BRINP3: variants seen among roughly 807,000 people sequenced by gnomAD.
BRINP3 encodes BMP/retinoic acid inducible neural specific 3.
Under a neutral mutation model 71.0 loss-of-function variants are expected in BRINP3, and 19 were observed. That is an observed-to-expected ratio of 0.27 (90% CI 0.19 to 0.39). The LOEUF (loss-of-function observed/expected upper bound fraction) is 0.39, where lower values mean the gene tolerates loss of function less well. Ranked by LOEUF, BRINP3 falls within the 10% of genes least tolerant of loss-of-function variation. BRINP3 has a pLI of 1.00. For synonymous variants in BRINP3, 380 were observed against 337.7 expected (o/e 1.13, Z -1.37); for missense variants, 959 against 940.8 (o/e 1.02, Z -0.25).
intron 6 of BRINP3, among the ~76,000 whole-genome samples, chr1:190,220,861 T>C (rs1656822814): frequency 6.6e-6 from 1 of 152,110 alleles, no homozygotes; most frequent in African/African-American, 2.4e-5. Context: ...TAAAATTAAG[T>C]ACAAGGACAA....
intron 2 of BRINP3, among the ~76,000 whole-genome samples, chr1:190,450,120 T>TGA (rs1381423651): frequency 1.3e-5 from 2 of 151,982 alleles, no homozygotes; most frequent in Admixed American, 6.6e-5. Context: ...CCAAACATGG[T>TGA]GAGAGAGAGA....
At chr1:190,425,819 T>C (rs1673666866) in intron 2 of BRINP3, among the ~76,000 whole-genome samples, 1 of 151,788 alleles carries the variant, frequency 6.6e-6, no homozygotes, top group Admixed American at 6.6e-5. Context: ...GATTTGTGCC[T>C]TTCTGAAAGG....
At chr1:190,259,934 A>G (rs1661028045) in intron 4 of BRINP3, among the ~76,000 whole-genome samples, 1 of 151,604 alleles carries the variant, frequency 6.6e-6, no homozygotes, top group Non-Finnish European at 1.5e-5. Context: ...AGGCTGAGAT[A>G]GGAGAACTGC....
At chr1:190,391,229 A>G (rs968312884) in intron 2 of BRINP3, among the ~76,000 whole-genome samples, 1 of 151,350 alleles carries the variant, frequency 6.6e-6, no homozygotes, top group African/African-American at 2.4e-5. Flanking sequence ...GAACTCTATG[A>G]CCTCCCTCTG....
intron 4 of BRINP3, among the ~76,000 whole-genome samples, chr1:190,244,228 C>A (rs1244564098): frequency 6.6e-6 from 1 of 152,058 alleles, no homozygotes; most frequent in Non-Finnish European, 1.5e-5. Flanking sequence ...CATAGACTAA[C>A]TTATAATTGT....
intron 6 of BRINP3, among the ~76,000 whole-genome samples, chr1:190,198,298 G>T (rs766830300): frequency 6.6e-6 from 1 of 152,098 alleles, no homozygotes; most frequent in Non-Finnish European, 1.5e-5. Context: ...TTTCCTCATT[G>T]TCTTGGCAAT....
At chr1:190,461,734 A>G (rs762634083) in intron 1 of BRINP3, among the ~76,000 whole-genome samples, 8 of 152,184 alleles carry the variant, frequency 5.3e-5, no homozygotes, top group Non-Finnish European at 8.8e-5. Context: ...TTTATTCTTC[A>G]TGGAAATAGA....
intron 6 of BRINP3, among the ~76,000 whole-genome samples, chr1:190,207,456 T>C (rs1322008924): frequency 1.3e-5 from 2 of 152,080 alleles, no homozygotes; most frequent in Non-Finnish European, 2.9e-5. Flanking sequence ...ATTCCTTAAA[T>C]GAAGTACTGA....
Position 190,454,935 on chromosome 1 carries a change from C to G in BRINP3, c.-45G>C. ...AGCCTTCATTCTCTCAGCTTTCCCTCAACACCTAGACAAAATACACAGGCA... is the reference window on the plus strand; with the variant it reads ...AGCCTTCATTCTCTCAGCTTTCCCTGAACACCTAGACAAAATACACAGGCA... On this transcript the variant is annotated 5_prime_UTR_variant, in exon 2 of 8. Transcript: ENST00000367462. The G allele has an allele frequency of 6.7e-7, 1 of 1,502,210 alleles. No homozygotes were observed. Among genetic ancestry groups the G allele is most frequent in the Non-Finnish European group, 9.2e-7 (1 of 1,084,696 alleles). The allele number at this position is 1,502,210 out of a possible 1,614,324, so 93.1% of individuals were successfully genotyped here. A position where few individuals can be genotyped will look rare whatever the true frequency, so the allele number is the denominator to read the frequency against.
intron 2 of BRINP3, among the ~76,000 whole-genome samples, chr1:190,436,452 A>G (rs1674460788): frequency 6.6e-6 from 1 of 151,862 alleles, no homozygotes; most frequent in Admixed American, 6.6e-5. Flanking sequence ...CTTAGATAAA[A>G]ATCACCCATA....
intron 2 of BRINP3, among the ~76,000 whole-genome samples, chr1:190,310,573 T>C (rs1006098149): frequency 6.6e-6 from 1 of 151,732 alleles, no homozygotes; most frequent in Admixed American, 6.6e-5. Context: ...AATGAGCTCC[T>C]CTAAAAGCCA....
chr1:190,412,620 G>T (rs570734837), intron 2 of BRINP3, among the ~76,000 whole-genome samples: 2 of 149,918 alleles, frequency 1.3e-5, no homozygotes, highest in Non-Finnish European at 3.0e-5. Flanking sequence ...CCGCCACTAC[G>T]CCCGGCTAAT....
intron 2 of BRINP3, among the ~76,000 whole-genome samples, chr1:190,413,525 G>C (rs971319383): frequency 1.3e-5 from 2 of 152,170 alleles, no homozygotes; most frequent in East Asian, 3.9e-4. Flanking sequence ...CAGCCAGACA[G>C]AAGAGAAGGC....
chr1:190,186,444 G>A (rs910955953), intron 6 of BRINP3, among the ~76,000 whole-genome samples: 2 of 151,804 alleles, frequency 1.3e-5, no homozygotes, highest in Admixed American at 6.6e-5. Context: ...TTTTTGCCTA[G>A]ATCCAGGAAA....
At chr1:190,347,696 T>C (rs1004284075) in intron 2 of BRINP3, among the ~76,000 whole-genome samples, 38 of 152,146 alleles carry the variant, frequency 2.5e-4, no homozygotes, top group Admixed American at 2.4e-3. Flanking sequence ...ACTAATGCTA[T>C]AAATTTTTAT....
At chr1:190,391,665 T>C (rs555788249) in intron 2 of BRINP3, among the ~76,000 whole-genome samples, 58 of 151,814 alleles carry the variant, frequency 3.8e-4, no homozygotes, top group African/African-American at 1.4e-3. Flanking sequence ...TTCTTTTCAG[T>C]CACTTTTTCT....
At chr1:190,133,394 C>A (rs1378587758) in intron 7 of BRINP3, among the ~76,000 whole-genome samples, 1 of 151,966 alleles carries the variant, frequency 6.6e-6, no homozygotes, top group Non-Finnish European at 1.5e-5. Context: ...AAGAATTTTA[C>A]TTCTGAGCAT....
intron 2 of BRINP3, among the ~76,000 whole-genome samples, chr1:190,419,854 C>T (rs986344733): frequency 6.7e-6 from 1 of 148,524 alleles, no homozygotes; most frequent in Non-Finnish European, 1.5e-5. Context: ...AAAAAAGAAT[C>T]CCTGATTAGA....
intron 2 of BRINP3, among the ~76,000 whole-genome samples, chr1:190,286,374 C>T (rs2102951294): frequency 6.6e-6 from 1 of 152,174 alleles, no homozygotes; most frequent in East Asian, 1.9e-4. Context: ...TTCTTATTAG[C>T]ATTTAAATAT....
Sources: gnomAD v4.1 joint callset for allele counts (sites outside exome capture counted in the v4.1 genomes callset) on GRCh38, gnomAD v4.1.1 for gene constraint, MANE v1.5 for transcripts, NCBI Gene and HGNC (gene_info 2026-07-23, HGNC 2026-07-21) for gene names.